NLRP5: variants seen among roughly 807,000 people sequenced by gnomAD.
NLRP5 encodes the protein NACHT, LRR and PYD domains-containing protein 5.
Under a neutral mutation model 113.1 loss-of-function variants are expected in NLRP5, and 93 were observed. That is an observed-to-expected ratio of 0.82 (90% CI 0.70 to 0.98). NLRP5 has a LOEUF of 0.98. Ranked by LOEUF, NLRP5 falls within the 50% of genes least tolerant of loss-of-function variation. NLRP5 has a pLI of 0.00. For missense variants in NLRP5, 1,808 were observed against 1,514.3 expected (o/e 1.19, Z -3.22); for synonymous variants, 751 against 600.7 (o/e 1.25, Z -3.66).
At chr19:56,010,755 A>AAAAAAAAAAAAAAAAAAAAT (rs78321861) in intron 3 of NLRP5, among the ~76,000 whole-genome samples, 1 of 125,982 alleles carries the variant, frequency 7.9e-6, no homozygotes, top group African/African-American at 3.0e-5. Context: ...AAAAAAAAAA[A>AAAAAAAAAAAAAAAAAAAAT]GTCCCTTGAA....
At chr19:56,024,455 GTACA>G (rs542851270) in intron 6 of NLRP5, among the ~76,000 whole-genome samples, 2,961 of 141,516 alleles carry the variant, frequency 0.021, 107 homozygotes, top group African/African-American at 0.073. Flanking sequence ...TTATATATAC[GTACA>G]TACATATATA....
chr19:56,030,711 C>CTTTTTTTTTTTTTTTTTTTTTTTT (rs1251579019), intron 7 of NLRP5, among the ~76,000 whole-genome samples: 4 of 47,774 alleles, frequency 8.4e-5, no homozygotes, highest in African/African-American at 1.8e-4. Flanking sequence ...TCGCTTTCTT[C>CTTTTTTTTTTTTTTTTTTTTTTTT]TTCTTTTTTT....
the NLRP5 span, chr19:55,987,867 C>A: frequency 6.2e-7 from 1 of 1,613,994 alleles, no homozygotes; most frequent in Non-Finnish European, 8.5e-7. Flanking sequence ...CCTCACCCAC[C>A]CGACTTCACG....
chr19:56,059,492 C>T (rs531006180), intron 14 of NLRP5, among the ~76,000 whole-genome samples: 11 of 152,258 alleles, frequency 7.2e-5, no homozygotes, highest in African/African-American at 2.4e-4. Context: ...GTACAGCTGG[C>T]AGCATTGATA....
upstream of NLRP5, among the ~76,000 whole-genome samples, chr19:55,997,007 G>C (rs1032644826): frequency 3.3e-5 from 4 of 120,060 alleles, no homozygotes; most frequent in African/African-American, 1.4e-4. Context: ...GTTGTTTCCT[G>C]ACTTTTTAAT....
At chr19:56,022,720 G>A (rs1436225444) in intron 6 of NLRP5, among the ~76,000 whole-genome samples, 3 of 152,116 alleles carry the variant, frequency 2.0e-5, no homozygotes, top group East Asian at 1.9e-4. Context: ...AGTAAAAGAT[G>A]AGGTTTTTTG....
chr19:56,054,714 ATAAAG>A (rs1984065415), intron 13 of NLRP5, among the ~76,000 whole-genome samples: 3 of 152,092 alleles, frequency 2.0e-5, no homozygotes, highest in Admixed American at 1.3e-4. Flanking sequence ...AAGTTCGTAC[ATAAAG>A]TAGAGGGGTT....
intron 3 of NLRP5, among the ~76,000 whole-genome samples, chr19:56,010,593 G>GAAA (rs112910632): frequency 6.1e-5 from 9 of 147,426 alleles, no homozygotes; most frequent in African/African-American, 2.3e-4. Context: ...AAAAATACAG[G>GAAA]AAAAAAAAAA....
chr19:56,005,048 T>G (rs1968484), intron 2 of NLRP5, among the ~76,000 whole-genome samples: 2 of 147,514 alleles, frequency 1.4e-5, no homozygotes, highest in Non-Finnish European at 3.0e-5. Context: ...GAGCCGAGAT[T>G]ATGCCACTGC....
chr19:56,061,382 C>T lies in NLRP5; in HGVS notation c.3471-14C>T, dbSNP rs1229255807. 6.2e-7 allele frequency: 1 copy of T among 1,612,284 alleles called. No individual in the cohort carries two copies. Among genetic ancestry groups the T allele is most frequent in the African/African-American group, 1.3e-5 (1 of 74,888 alleles). The stretch of plus-strand genomic sequence containing the variant: ...GCAACATCTCAGTAACGAGTCCTCT[C>T]TCTGCCTCCCCAGGCTGTGGAAATG... On this transcript the variant is annotated splice_polypyrimidine_tract_variant and intron_variant, in intron 14 of 14. Transcript: ENST00000390649.
upstream of NLRP5, among the ~76,000 whole-genome samples, chr19:55,998,658 A>ATGTATGTGTGTGTG (rs1555762359): frequency 2.2e-5 from 1 of 44,684 alleles, no homozygotes; most frequent in African/African-American, 1.1e-4. Context: ...GTCTCAAAAT[A>ATGTATGTGTGTGTG]TGTGTGTGTG....
upstream of NLRP5, among the ~76,000 whole-genome samples, chr19:55,997,004 CCTGA>C (rs34757882): frequency 0.11 from 17,051 of 152,104 alleles, 1,072 homozygotes; most frequent in South Asian, 0.17. Context: ...CCTGTTGTTT[CCTGA>C]CTTTTTAATG....
intron 13 of NLRP5, among the ~76,000 whole-genome samples, chr19:56,057,547 C>T (rs114781937): frequency 0.031 from 4,681 of 152,206 alleles, 95 homozygotes; most frequent in African/African-American, 0.047. Context: ...TATGTCCTTC[C>T]GCCTTCTCAC....
chr19:56,006,692 A>G (rs922778427), intron 2 of NLRP5, among the ~76,000 whole-genome samples: 26 of 151,882 alleles, frequency 1.7e-4, no homozygotes, highest in African/African-American at 4.6e-4. Context: ...AGATCGCGCC[A>G]CTGCACTCCA....
chr19:55,990,916 G>A, the NLRP5 span, among the ~76,000 whole-genome samples: 4 of 152,052 alleles, frequency 2.6e-5, no homozygotes, highest in African/African-American at 7.2e-5. Flanking sequence ...CCCAGGAGAC[G>A]GAGATTGCAG....
At chr19:55,988,458 A>ATATATATATATATGTG in the NLRP5 span, 1 of 145,420 alleles carries the variant, frequency 6.9e-6, no homozygotes, top group Non-Finnish European at 1.5e-5. Context: ...ATATATATAT[A>ATATATATATATATGTG]TATATATATA....
intron 13 of NLRP5, 48 bp downstream of exon 13, chr19:56,053,856 G>C: frequency 6.3e-7 from 1 of 1,581,798 alleles, no homozygotes; most frequent in Non-Finnish European, 8.7e-7. Flanking sequence ...GAGGAGGTGG[G>C]GGACCCCAGC....
chr19:56,049,641 A>G (rs917472798), intron 11 of NLRP5, among the ~76,000 whole-genome samples: 1 of 151,982 alleles, frequency 6.6e-6, no homozygotes, highest in Non-Finnish European at 1.5e-5. Context: ...GTTCAATTCT[A>G]TTGCTGAGAC....
chr19:56,005,648 G>A (rs938941578), intron 2 of NLRP5, among the ~76,000 whole-genome samples: 3 of 149,276 alleles, frequency 2.0e-5, no homozygotes, highest in East Asian at 1.9e-4. Context: ...ACACACGCGC[G>A]CAGGTGGCAT....
Sources: gnomAD v4.1 joint callset for allele counts (sites outside exome capture counted in the v4.1 genomes callset) on GRCh38, gnomAD v4.1.1 for gene constraint, MANE v1.5 for transcripts, NCBI Gene and HGNC (gene_info 2026-07-23, HGNC 2026-07-21) for gene names.